The following MYRIP variants were observed in gnomAD, a reference collection of about 807,000 sequenced individuals.
MYRIP encodes the protein rab effector MyRIP.
A neutral mutation model predicts 98.0 loss-of-function variants in MYRIP; 49 were observed. The ratio of observed to expected loss-of-function variants is 0.50; its 90% CI spans 0.40 to 0.63. The LOEUF (loss-of-function observed/expected upper bound fraction) is 0.63. MYRIP is among the 30% of genes least tolerant of loss of function. MYRIP has a pLI of 0.00. For missense variants in MYRIP, 1,004 were observed against 1,058.2 expected (o/e 0.95, Z 0.71); for synonymous variants, 404 against 409.5 (o/e 0.99, Z 0.16).
At position 40,190,129 on chromosome 3, in the gene MYRIP, T is replaced by C. The variant is rs374059686; in HGVS notation, c.1331T>C (p.Leu444Pro). 1 of 1,613,800 alleles carries C rather than the reference T, an allele frequency of 6.2e-7. No individual in the cohort carries two copies. The highest frequency in any genetic ancestry group is 1.3e-5 in the African/African-American group (1 of 74,966). The change falls in exon 10 of 17, where the codon CTC (leucine) becomes CCC (proline). Residue 444 changes from leucine (L) to proline (P), a missense_variant. Coordinates refer to ENST00000302541, the MANE Select transcript of MYRIP (RefSeq NM_015460.4). ...ATAGCTGCCTCCCCATCCTCTGCACTCTCCCCCAACCCTGAGGCCATGTGC... is the reference window on the plus strand; with the variant it reads ...ATAGCTGCCTCCCCATCCTCTGCACCCTCCCCCAACCCTGAGGCCATGTGC... ...GPIAASPSSA[L>P]SPNPEAMCSD...
intron 1 of MYRIP, among the ~76,000 whole-genome samples, chr3:39,878,207 T>A (rs568219805): frequency 1.3e-5 from 2 of 152,300 alleles, no homozygotes; most frequent in East Asian, 3.9e-4. Flanking sequence ...AGAAGCGCAG[T>A]ATTAGGGTGG....
At chr3:40,226,237 TC>T (rs1158124043) in intron 11 of MYRIP, among the ~76,000 whole-genome samples, 2 of 152,210 alleles carry the variant, frequency 1.3e-5, no homozygotes, top group Admixed American at 1.3e-4. Flanking sequence ...GTTATATTTT[TC>T]TTTATTTCAA....
chr3:39,991,989 A>C lies in MYRIP; in HGVS notation c.111-52061A>C, dbSNP rs537783344. ...ACCTTCCAAAATAAGCTTGTCACTC[A>C]GTGGAAAAACCACTTCCTCCAGTGT... On this transcript the variant is annotated intron_variant, in intron 2 of 16. Coordinates refer to ENST00000302541, the MANE Select transcript of MYRIP (RefSeq NM_015460.4). Among the ~76,000 whole-genome samples the C allele has an allele frequency of 6.8e-4, 103 of 152,294 alleles. 2 individuals are homozygous for C. In the Middle Eastern group the frequency reaches 0.014, roughly 20 times the overall value.
chr3:39,858,440 G>C (rs1460421304), intron 1 of MYRIP, among the ~76,000 whole-genome samples: 1 of 152,068 alleles, frequency 6.6e-6, no homozygotes, highest in African/African-American at 2.4e-5. Context: ...TGCAGTAACA[G>C]TAAAAGATTT....
intron 2 of MYRIP, among the ~76,000 whole-genome samples, chr3:40,039,992 T>C (rs1288237168): frequency 1.3e-5 from 2 of 152,130 alleles, no homozygotes; most frequent in African/African-American, 4.8e-5. Context: ...TCTGCCTTTG[T>C]CTTCACATTG....
Position 40,073,830 on chromosome 3 carries a change from C to T in MYRIP, c.332+29559C>T, listed in dbSNP as rs76633668. ...GAGGCGTGAGGTTTTCCAGAGCTTT[C>T]GCCCCCAGGGGCTCCCCCTACTGCT... On this transcript the variant is annotated intron_variant, in intron 3 of 16. Transcript: ENST00000302541. Among the ~76,000 whole-genome samples the T allele has an allele frequency of 6.2e-3, 937 of 152,330 alleles. 11 individuals carry two copies. Among genetic ancestry groups the T allele is most frequent in the African/African-American group, 0.022 (901 of 41,570 alleles).
At chr3:40,228,600 C>T (rs1952558971) in intron 11 of MYRIP, among the ~76,000 whole-genome samples, 1 of 152,144 alleles carries the variant, frequency 6.6e-6, no homozygotes, top group African/African-American at 2.4e-5. Context: ...TACCAGTGTC[C>T]CTTCAGCTTC....
rs916030823 is a variant in MYRIP at position 39,869,038 on chromosome 3, G to A, written c.-30-31749G>A. On this transcript the variant is annotated intron_variant, in intron 1 of 16. Transcript: ENST00000302541. Reference sequence around the variant, plus strand: ...TTTGACTGTGATGTGCCTAGGCATGGATCTTTTTGAGTTTATCCTACCTGG... The same window carrying A: ...TTTGACTGTGATGTGCCTAGGCATGAATCTTTTTGAGTTTATCCTACCTGG... Among the ~76,000 whole-genome samples the A allele has an allele frequency of 1.6e-4, 24 of 152,134 alleles. 1 individual carries two copies. Among genetic ancestry groups the A allele is most frequent in the African/African-American group, 5.8e-4 (24 of 41,420 alleles).
chr3:40,246,529 C>G (rs956197454), intron 13 of MYRIP, among the ~76,000 whole-genome samples: 1 of 152,160 alleles, frequency 6.6e-6, no homozygotes, highest in African/African-American at 2.4e-5. Context: ...CTAGTCTCCT[C>G]TTGTCCTGTA....
chr3:40,162,137 C>T (rs763952280), intron 4 of MYRIP, among the ~76,000 whole-genome samples: 8 of 152,206 alleles, frequency 5.3e-5, no homozygotes, highest in Non-Finnish European at 1.2e-4. Flanking sequence ...CCCTGCTGAA[C>T]ACTTTCACTG....
intron 2 of MYRIP, among the ~76,000 whole-genome samples, chr3:39,974,610 A>T (rs1945695782): frequency 6.6e-6 from 1 of 152,160 alleles, no homozygotes; most frequent in Admixed American, 6.6e-5. Flanking sequence ...AAAGAATTTT[A>T]GACCAATATC....
intron 2 of MYRIP, among the ~76,000 whole-genome samples, chr3:39,997,458 C>T (rs1465298012): frequency 1.3e-5 from 2 of 152,186 alleles, no homozygotes; most frequent in Admixed American, 6.5e-5. Flanking sequence ...TTCCTCGACA[C>T]ATACACCCTC....
chr3:39,942,266 G>A (rs9862406), intron 2 of MYRIP, among the ~76,000 whole-genome samples: 10,208 of 152,088 alleles, frequency 0.067, 622 homozygotes, highest in East Asian at 0.25. Flanking sequence ...TTGTATGTAC[G>A]GCGTGGAAGG....
intron 3 of MYRIP, among the ~76,000 whole-genome samples, chr3:40,052,123 A>G (rs1947805937): frequency 6.6e-6 from 1 of 152,092 alleles, no homozygotes; most frequent in African/African-American, 2.4e-5. Context: ...TGAATACTAT[A>G]ACTTTTTCCT....
At position 39,899,037 on chromosome 3, in the gene MYRIP, T is replaced by C. The variant is rs569402753; in HGVS notation, c.-30-1750T>C. ...GCAATACTGTGTCTCTCTAATGAGA[T>C]GGAATATTACTGATAGCTCTGAAGC... is the stretch of plus-strand genomic sequence containing the variant. On this transcript the variant is annotated intron_variant, in intron 1 of 16. Coordinates refer to ENST00000302541, the MANE Select transcript of MYRIP (RefSeq NM_015460.4). 2.3e-3 allele frequency among the ~76,000 whole-genome samples: 343 copies of C among 152,292 alleles called. 2 individuals are homozygous for C. The highest frequency in any genetic ancestry group is 7.8e-3 in the African/African-American group (323 of 41,574).
At chr3:40,203,753 A>T (rs1177906518) in intron 10 of MYRIP, among the ~76,000 whole-genome samples, 1 of 21,044 alleles carries the variant, frequency 4.8e-5, no homozygotes, top group Non-Finnish European at 8.6e-5. Context: ...ATATATATTT[A>T]TATATATTTA....
rs868590091 is a variant in MYRIP, at chr3:40,176,461, A to G, written c.874-5759A>G. Among the ~76,000 whole-genome samples, 54 of 152,258 alleles carry G rather than the reference A, an allele frequency of 3.5e-4. 2 individuals carry two copies. In the Middle Eastern group the frequency reaches 0.017, roughly 48 times the overall value. On this transcript the variant is annotated intron_variant, in intron 8 of 16. Coordinates refer to ENST00000302541, the MANE Select transcript of MYRIP (RefSeq NM_015460.4). ...CATGAACAAACAGCATAAAAGCAGA[A>G]ATACAAGGCCAGGTATGGTGGCTCA...
intron 2 of MYRIP, among the ~76,000 whole-genome samples, chr3:40,017,669 A>G (rs1575467720): frequency 6.6e-6 from 1 of 151,910 alleles, no homozygotes; most frequent in East Asian, 1.9e-4. Flanking sequence ...GAGAGTCTAA[A>G]ATAAATAAAG....
At chr3:40,112,395 G>A (rs888656802) in intron 3 of MYRIP, among the ~76,000 whole-genome samples, 30 of 152,288 alleles carry the variant, frequency 2.0e-4, no homozygotes, top group Middle Eastern at 3.4e-3. Flanking sequence ...AAATGTTTGT[G>A]AGAACTATGG....
Sources: gnomAD v4.1 joint callset for allele counts (sites outside exome capture counted in the v4.1 genomes callset) on GRCh38, gnomAD v4.1.1 for gene constraint, MANE v1.5 for transcripts, NCBI Gene and HGNC (gene_info 2026-07-23, HGNC 2026-07-21) for gene names.